RBBP8NL: variants seen among roughly 807,000 people sequenced by gnomAD.
RBBP8NL encodes RBBP8 N-terminal like, also known as RBBP8 N-terminal-like protein.
RBBP8NL carries 59 observed loss-of-function variants against 62.2 expected under a neutral mutation model. The ratio of observed to expected loss-of-function variants is 0.95; its 90% CI spans 0.77 to 1.18. The LOEUF is 1.18. RBBP8NL is among the 50% of genes most tolerant of loss of function. The pLI is 0.00. For missense variants in RBBP8NL, 896 were observed against 899.5 expected, an observed-to-expected ratio of 1.00 and a Z score of 0.05; for synonymous variants, 412 against 394.1, an observed-to-expected ratio of 1.05 and a Z score of -0.54.
In RBBP8NL at chr20:62,415,812, G is replaced by T. The variant is rs1273441150; in HGVS notation, c.520C>A (p.Gln174Lys). 2 of 1,612,464 alleles carry T rather than the reference G, an allele frequency of 1.2e-6. No homozygotes were observed. Among genetic ancestry groups the T allele is most frequent in the Non-Finnish European group, 1.7e-6 (2 of 1,179,904 alleles). The change falls in exon 7 of 14, where the codon CAG (glutamine) becomes AAG (lysine). Residue 174 changes from glutamine (Q) to lysine (K), a missense_variant. Physicochemically the swap from Gln to Lys is moderately conservative, Grantham distance 53. Transcript: ENST00000252998. ...CCTTCTCCCCGTAGGCCCACGCCCTGGTGGTCTTCCTCAGCCTCCTCGTGG... is the reference window on the plus strand; with the variant it reads ...CCTTCTCCCCGTAGGCCCACGCCCTTGTGGTCTTCCTCAGCCTCCTCGTGG... ...GGHEEAEEDH[Q>K]GVGLRGEEKP...
Position 62,414,262 on chromosome 20 carries a change from C to A in RBBP8NL, c.1089G>T (p.Gln363His). The change falls in exon 10 of 14, where the codon CAG (glutamine) becomes CAT (histidine). Residue 363 changes from glutamine (Q) to histidine (H), a missense_variant. Physicochemically the swap from Gln to His is conservative, Grantham distance 24. Transcript: ENST00000252998. Reference protein sequence around the residue: ...GALHLLLAQQQLRARARAGSV... With the variant: ...GALHLLLAQQHLRARARAGSV... ...TGCCTGCCCTGGCCCTAGCCCGCAG[C>A]TGCTGCTGGGCCAGGAGCAGGTGCA... 1 of 1,589,570 alleles carries A rather than the reference C, an allele frequency of 6.3e-7. No homozygotes were observed. Among genetic ancestry groups the A allele is most frequent in the Non-Finnish European group, 8.5e-7 (1 of 1,169,904 alleles).
rs754268087 is a variant in RBBP8NL, at chr20:62,413,419, CAGGCGGCTGTGGGTGGGG to C, written c.1639_1656del (p.Pro547_Pro552del). Reference sequence around the variant, plus strand: ...ACTGTACCTGGGTGGCCGTCCAGGTCAGGCGGCTGTGGGTGGGGAGGCGGCTGTGGGTGGGGAGGTGGC... The same window carrying C: ...ACTGTACCTGGGTGGCCGTCCAGGTCAGGCGGCTGTGGGTGGGGAGGTGGC... On this transcript the variant is annotated inframe_deletion, in exon 11 of 14. Coordinates refer to ENST00000252998, the MANE Select transcript of RBBP8NL (RefSeq NM_080833.3). 1.6e-3 allele frequency: 2,309 copies of C among 1,459,610 alleles called. 2 individuals carry two copies. The highest frequency in any genetic ancestry group is 1.9e-3 in the Non-Finnish European group (2,151 of 1,108,946). The allele number at this position is 1,459,610 out of a possible 1,614,324, so 90.4% of individuals were successfully genotyped here.
At chr20:62,420,360 A>G (rs867089302) in intron 1 of RBBP8NL, among the ~76,000 whole-genome samples, 5 of 129,758 alleles carry the variant, frequency 3.9e-5, no homozygotes, top group African/African-American at 2.0e-4. Flanking sequence ...GCACACACAC[A>G]CACACACACA....
chr20:62,417,018 T>A, intron 4 of RBBP8NL, 146 bp from the exon 5 acceptor site: 1 of 740,564 alleles, frequency 1.4e-6, no homozygotes. Context: ...CCCCGTGGGC[T>A]AGGTGTCCCA....
At position 62,419,680 on chromosome 20, in the gene RBBP8NL, C is replaced by T. The variant is rs201527752; in HGVS notation, c.-33G>A. 1.3e-4 allele frequency: 211 copies of T among 1,610,788 alleles called. 1 individual carries two copies. In the African/African-American group the frequency reaches 1.9e-3, roughly 15 times the overall value. On this transcript the variant is annotated 5_prime_UTR_variant, in exon 2 of 14. Coordinates refer to ENST00000252998, the MANE Select transcript of RBBP8NL (RefSeq NM_080833.3). Reference sequence around the variant, plus strand: ...TGTGGCCCTGGCCCGGGCCCCTCTGCGCTGGGGTTGTGGAGACGCCTGCAG... The same window carrying T: ...TGTGGCCCTGGCCCGGGCCCCTCTGTGCTGGGGTTGTGGAGACGCCTGCAG...
intron 13 of RBBP8NL, among the ~76,000 whole-genome samples, chr20:62,411,543 A>G (rs1988434893): frequency 1.3e-5 from 2 of 152,230 alleles, no homozygotes; most frequent in African/African-American, 4.8e-5. Flanking sequence ...GCACCAGCCA[A>G]ACAGTGATGA....
intron 1 of RBBP8NL, among the ~76,000 whole-genome samples, chr20:62,421,287 CGT>C (rs879613337): frequency 1.8e-3 from 238 of 134,968 alleles, no homozygotes; most frequent in South Asian, 3.9e-3. Context: ...AGCCAGTGTG[CGT>C]GTGTGTGTGC....
chr20:62,420,593 CAT>C (rs745687236), intron 1 of RBBP8NL, among the ~76,000 whole-genome samples: 5 of 152,212 alleles, frequency 3.3e-5, no homozygotes, highest in South Asian at 4.1e-4. Flanking sequence ...CACAGAGACA[CAT>C]AGACATGGGT....
chr20:62,411,913 G>A (rs887914194), intron 13 of RBBP8NL, among the ~76,000 whole-genome samples: 5 of 152,236 alleles, frequency 3.3e-5, no homozygotes, highest in South Asian at 4.1e-4. Flanking sequence ...GCACCACCCC[G>A]CCTGCTGCCT....
chr20:62,413,579 T>C (rs1468421130), intron 10 of RBBP8NL, 34 bp from the exon 11 acceptor site: 10 of 1,502,350 alleles, frequency 6.7e-6, no homozygotes, highest in African/African-American at 1.4e-5. Context: ...TTGAGTTTAT[T>C]TGGGAGACTT....
chr20:62,418,663 G>A (rs1488453261), intron 2 of RBBP8NL, among the ~76,000 whole-genome samples, 198 bp from the exon 3 acceptor site: 1 of 152,116 alleles, frequency 6.6e-6, no homozygotes, highest in African/African-American at 2.4e-5. Flanking sequence ...CCTAGCATCT[G>A]TTGCTTCCCC....
intron 1 of RBBP8NL, among the ~76,000 whole-genome samples, chr20:62,423,292 G>A (rs189096337): frequency 1.3e-5 from 2 of 152,326 alleles, no homozygotes; most frequent in Non-Finnish European, 2.9e-5. Context: ...GTGGGAAGTG[G>A]GATCTGGGTT....
chr20:62,410,853 C>A lies in RBBP8NL; in HGVS notation c.*25G>T. The stretch of plus-strand genomic sequence containing the variant: ...GGCAGGTGGAGGGCTGCCCCGGGCT[C>A]GCTGTGGACCCTGGTGCAGGCTGGC... On this transcript the variant is annotated 3_prime_UTR_variant, in exon 14 of 14. Transcript: ENST00000252998. 3 of 1,534,046 alleles carry A rather than the reference C, an allele frequency of 2.0e-6. No individual in the cohort carries two copies. Among genetic ancestry groups the A allele is most frequent in the Non-Finnish European group, 2.7e-6 (3 of 1,111,808 alleles).
intron 3 of RBBP8NL, 119 bp from the exon 4 acceptor site, chr20:62,417,438 A>C: frequency 8.4e-6 from 6 of 711,952 alleles, no homozygotes; most frequent in East Asian, 2.7e-5. Context: ...TCTGGGGGCA[A>C]CGCCTAACCC....
At chr20:62,411,128 C>A in intron 13 of RBBP8NL, 132 bp from the exon 14 acceptor site, 1 of 674,320 alleles carries the variant, frequency 1.5e-6, no homozygotes, top group Non-Finnish European at 2.6e-6. Flanking sequence ...TGCTGGCCAC[C>A]CTTGTTCCTA....
intron 13 of RBBP8NL, 143 bp downstream of exon 13, chr20:62,412,481 G>A (rs1988455063): frequency 9.0e-7 from 1 of 1,111,594 alleles, no homozygotes; most frequent in Admixed American, 2.0e-5. Flanking sequence ...GGTTCATTTG[G>A]GGAGGGTTGA....
Position 62,420,113 on chromosome 20 carries a change from G to A in RBBP8NL, c.-83-383C>T, listed in dbSNP as rs530165743. ...CCCTTCCCCTGGCACCTCAATGGAG[G>A]GACAGGGAAGCCTGGCAAGAGCTGG... is the stretch of plus-strand genomic sequence containing the variant. On this transcript the variant is annotated intron_variant, in intron 1 of 13. Transcript: ENST00000252998. Among the ~76,000 whole-genome samples the A allele has an allele frequency of 1.0e-3, 152 of 152,250 alleles. 4 individuals are homozygous for A. The South Asian group carries it at 0.03, about 30-fold the overall frequency.
At position 62,414,295 on chromosome 20, in the gene RBBP8NL, C is replaced by A; in HGVS notation, c.1056G>T (p.Glu352Asp). 1.3e-6 allele frequency: 2 copies of A among 1,573,660 alleles called. No individual in the cohort carries two copies. The highest frequency in any genetic ancestry group is 2.3e-5 in the South Asian group (2 of 86,606). ...GGGCCAGGAGCAGGTGCAGTGCCCCCTCCAGGCGAAGGTCCTGCATGCCCG... is the reference window on the plus strand; with the variant it reads ...GGGCCAGGAGCAGGTGCAGTGCCCCATCCAGGCGAAGGTCCTGCATGCCCG... The part of the protein sequence containing the change: ...ALAGMQDLRL[E>D]GALHLLLAQQ... The change falls in exon 10 of 14, where the codon GAG (glutamate) becomes GAT (aspartate). Residue 352 changes from glutamate to aspartate, a missense_variant. By Grantham distance (45) the Glu-to-Asp change is conservative. Transcript: ENST00000252998.
intron 13 of RBBP8NL, among the ~76,000 whole-genome samples, chr20:62,412,064 G>A (rs905513295): frequency 1.3e-5 from 2 of 152,254 alleles, no homozygotes; most frequent in Non-Finnish European, 2.9e-5. Context: ...GACCAGGGCC[G>A]AGGCTCCTGC....
Sources: allele counts gnomAD v4.1 joint callset (sites outside exome capture counted in the v4.1 genomes callset), GRCh38; gene constraint gnomAD v4.1.1; transcripts MANE v1.5; gene names NCBI Gene and HGNC (gene_info 2026-07-23, HGNC 2026-07-21).